The following RANBP2 variants were observed in gnomAD, a reference collection of about 807,000 sequenced individuals.
RANBP2 encodes E3 SUMO-protein ligase RanBP2.
A neutral mutation model predicts 303.6 loss-of-function variants in RANBP2; 57 were observed. The observed-to-expected ratio is 0.19, with a 90% confidence interval of 0.15 to 0.23. The LOEUF (loss-of-function observed/expected upper bound fraction) is 0.23. Ranked by LOEUF, RANBP2 falls within the 10% of genes least tolerant of loss-of-function variation. The pLI is 1.00. For missense variants in RANBP2, 3,138 were observed against 3,780.8 expected, an observed-to-expected ratio of 0.83 and a Z score of 4.46; for synonymous variants, 1,167 against 1,301.5, an observed-to-expected ratio of 0.90 and a Z score of 2.23.
chr2:108,943,927 C>G, the RANBP2 span, among the ~76,000 whole-genome samples: 3,432 of 152,316 alleles, frequency 0.023, 117 homozygotes, highest in African/African-American at 0.077. Flanking sequence ...GCTTCCAAAA[C>G]AGGGAGACAG....
the RANBP2 span, among the ~76,000 whole-genome samples, chr2:109,623,697 G>C: frequency 3.3e-5 from 5 of 152,232 alleles, no homozygotes; most frequent in African/African-American, 1.2e-4. Context: ...CCAGGTGGGT[G>C]CTGTGAGAGA....
chr2:109,046,527 C>T, the RANBP2 span, among the ~76,000 whole-genome samples: 1 of 151,358 alleles, frequency 6.6e-6, no homozygotes, highest in Non-Finnish European at 1.5e-5. Context: ...CTGCCTCAGC[C>T]TCCCAGGTAG....
At chr2:109,137,805 TTGCC>T in the RANBP2 span, among the ~76,000 whole-genome samples, 2 of 152,236 alleles carry the variant, frequency 1.3e-5, no homozygotes, top group Non-Finnish European at 2.9e-5. Flanking sequence ...CCTCCAAGCT[TTGCC>T]TGCCACTGTT....
chr2:109,459,392 T>G, the RANBP2 span, among the ~76,000 whole-genome samples: 5 of 152,198 alleles, frequency 3.3e-5, no homozygotes, highest in Admixed American at 1.3e-4. Flanking sequence ...AAGCGCCTCA[T>G]CTGGGCATGG....
At chr2:109,616,515 T>C in the RANBP2 span, 1 of 167,360 alleles carries the variant, frequency 6.0e-6, no homozygotes, top group African/African-American at 2.4e-5. Context: ...TTTCTAAGTG[T>C]GAAAACGACA....
chr2:109,059,424 A>C, the RANBP2 span, among the ~76,000 whole-genome samples: 1 of 151,838 alleles, frequency 6.6e-6, no homozygotes, highest in Non-Finnish European at 1.5e-5. Context: ...AAATACAAAC[A>C]ATTAGCCGGG....
chr2:108,836,737 C>T, the RANBP2 span, among the ~76,000 whole-genome samples: 1 of 152,064 alleles, frequency 6.6e-6, no homozygotes, highest in Non-Finnish European at 1.5e-5. Context: ...TAATTTTTTT[C>T]ATCACTGTTT....
the RANBP2 span, among the ~76,000 whole-genome samples, chr2:109,209,210 C>T: frequency 2.6e-5 from 4 of 152,146 alleles, no homozygotes; most frequent in African/African-American, 9.7e-5. Context: ...TCTCATATGC[C>T]GTGGCATCAA....
At chr2:109,174,415 C>T in the RANBP2 span, among the ~76,000 whole-genome samples, 1 of 152,216 alleles carries the variant, frequency 6.6e-6, no homozygotes, top group African/African-American at 2.4e-5. Flanking sequence ...GCAGCCAATA[C>T]TCCACAGCTG....
the RANBP2 span, among the ~76,000 whole-genome samples, chr2:109,340,649 C>T: frequency 2.0e-5 from 3 of 152,170 alleles, no homozygotes; most frequent in African/African-American, 7.2e-5. Flanking sequence ...TTTGCCTCAG[C>T]AAGTAGTCAA....
chr2:109,709,987 T>C, the RANBP2 span, among the ~76,000 whole-genome samples: 1 of 151,316 alleles, frequency 6.6e-6, no homozygotes, highest in African/African-American at 2.4e-5. Context: ...CTTAGGAGGC[T>C]GAGACAGGAG....
chr2:108,932,268 C>T, the RANBP2 span, among the ~76,000 whole-genome samples: 16 of 151,982 alleles, frequency 1.1e-4, no homozygotes, highest in Non-Finnish European at 5.9e-5. Context: ...GTGGCTCACA[C>T]CTGTAATCCC....
At chr2:109,546,284 G>C in the RANBP2 span, 2 of 1,326,692 alleles carry the variant, frequency 1.5e-6, no homozygotes, top group Non-Finnish European at 2.0e-6. Context: ...CGCGGCAGCA[G>C]AGGCACGCTC....
At position 108,762,087 on chromosome 2, in the gene RANBP2, T is replaced by C. The variant is rs1457352522; in HGVS notation, c.2603-14T>C. 11 of 1,596,640 alleles carry C rather than the reference T, an allele frequency of 6.9e-6. No individual in the cohort carries two copies. The highest frequency in any genetic ancestry group is 9.3e-6 in the Non-Finnish European group (11 of 1,179,334). ...TTTAACAGTGTTTTCTTTATTTTCT[T>C]TTTGTTTTTTTAGTTGCAACTACTG... On this transcript the variant is annotated splice_polypyrimidine_tract_variant and intron_variant, in intron 18 of 28. Coordinates refer to ENST00000283195, the MANE Select transcript of RANBP2 (RefSeq NM_006267.5).
At chr2:109,137,929 C>T in the RANBP2 span, among the ~76,000 whole-genome samples, 6 of 152,256 alleles carry the variant, frequency 3.9e-5, no homozygotes, top group African/African-American at 1.2e-4. Flanking sequence ...AGCTAAATCT[C>T]AGGCCAGGCC....
the RANBP2 span, among the ~76,000 whole-genome samples, chr2:109,301,240 C>A: frequency 6.6e-6 from 1 of 151,750 alleles, no homozygotes; most frequent in Non-Finnish European, 1.5e-5. Flanking sequence ...CTCTGTGCAC[C>A]GGGACTCAGA....
the RANBP2 span, among the ~76,000 whole-genome samples, chr2:109,005,057 C>T: frequency 1.3e-5 from 2 of 152,168 alleles, no homozygotes; most frequent in African/African-American, 4.8e-5. Flanking sequence ...TCTTTCTTTC[C>T]CAGGCCCCTG....
chr2:108,934,310 AGG>A, the RANBP2 span, among the ~76,000 whole-genome samples: 2 of 152,078 alleles, frequency 1.3e-5, no homozygotes, highest in African/African-American at 4.8e-5. Context: ...TACAGGCAGG[AGG>A]TGGGCCACTG....
the RANBP2 span, among the ~76,000 whole-genome samples, chr2:109,421,639 C>T: frequency 2.0e-5 from 3 of 152,350 alleles, no homozygotes; most frequent in African/African-American, 7.2e-5. Flanking sequence ...AGCTCTCCAC[C>T]TTCTCCCTCT....
Sources: allele counts gnomAD v4.1 joint callset (sites outside exome capture counted in the v4.1 genomes callset), GRCh38; gene constraint gnomAD v4.1.1; transcripts MANE v1.5; gene names NCBI Gene and HGNC (gene_info 2026-07-23, HGNC 2026-07-21).